VWA3B: variants seen among roughly 807,000 people sequenced by gnomAD.
VWA3B encodes the protein von Willebrand factor A domain-containing protein 3B.
In VWA3B, 138 loss-of-function variants were observed where a neutral mutation model predicts 158.3. The ratio of observed to expected loss-of-function variants is 0.87; its 90% CI spans 0.76 to 1.00. VWA3B has a LOEUF of 1.00. Ranked by LOEUF, VWA3B falls within the 50% of genes least tolerant of loss-of-function variation. The pLI, the probability that VWA3B is intolerant of heterozygous loss-of-function variation, is 0.00. For missense variants in VWA3B, 1,555 were observed against 1,565.1 expected (o/e 0.99, Z 0.11); for synonymous variants, 596 against 587.3 (o/e 1.01, Z -0.21).
intron 14 of VWA3B, among the ~76,000 whole-genome samples, chr2:98,227,175 C>G (rs1684979309): frequency 6.6e-6 from 1 of 152,202 alleles, no homozygotes; most frequent in African/African-American, 2.4e-5. Context: ...ACTCCTTCAG[C>G]TGATAAGCAA....
chr2:98,092,513 C>T (rs947029825), intron 1 of VWA3B, among the ~76,000 whole-genome samples: 3 of 152,032 alleles, frequency 2.0e-5, no homozygotes, highest in Non-Finnish European at 2.9e-5. Context: ...CATGGTGGCA[C>T]GCGCCTGTAA....
rs764717430 is a variant in VWA3B at position 98,236,634 on chromosome 2, C to T, written c.2577C>T (p.Leu859=). 5.6e-6 allele frequency: 9 copies of T among 1,614,116 alleles called. No homozygotes were observed. In the African/African-American group the frequency reaches 1.2e-4, roughly 22 times the overall value. The stretch of plus-strand genomic sequence containing the variant: ...CCTATGGCTTGGTCGCCAAGAAACT[C>T]ACCCTCATGGATGCCTTGTCAGTGG... The part of the protein sequence containing the change: ...LKTYGLVAKK[L]TLMDALSVAA... Residue 859 remains leucine (L), a synonymous_variant, in exon 19 of 28, where the codon CTC becomes CTT. Coordinates refer to ENST00000477737, the MANE Select transcript of VWA3B (RefSeq NM_144992.5).
At chr2:98,171,074 A>T (rs1018142692) in intron 8 of VWA3B, among the ~76,000 whole-genome samples, 1 of 152,222 alleles carries the variant, frequency 6.6e-6, no homozygotes, top group East Asian at 1.9e-4. Context: ...AACACCTAGA[A>T]ATGTGCTGTC....
At chr2:98,187,020 A>G (rs1034533597) in intron 9 of VWA3B, among the ~76,000 whole-genome samples, 3 of 151,986 alleles carry the variant, frequency 2.0e-5, no homozygotes, top group Non-Finnish European at 4.4e-5. Context: ...TTCGACAAGC[A>G]TGCCAGGTGG....
chr2:98,298,751 G>A (rs1219267201), intron 24 of VWA3B, among the ~76,000 whole-genome samples: 1 of 152,266 alleles, frequency 6.6e-6, no homozygotes, highest in Non-Finnish European at 1.5e-5. Context: ...ATTAAAGTGA[G>A]AAAGCACTCC....
the VWA3B span, among the ~76,000 whole-genome samples, chr2:98,322,061 C>T: frequency 6.6e-6 from 1 of 152,170 alleles, no homozygotes; most frequent in Non-Finnish European, 1.5e-5. Flanking sequence ...GTAAGTCATG[C>T]CTTTTTTCCT....
At position 98,199,518 on chromosome 2, in the gene VWA3B, G is replaced by A. The variant is rs370573124; in HGVS notation, c.1737+5026G>A. Reference sequence around the variant, plus strand: ...ACTAGCTCCCTGAGCCCCAATTTCCGCAGGGTGAAACAATGAGGACCAGGC... The same window carrying A: ...ACTAGCTCCCTGAGCCCCAATTTCCACAGGGTGAAACAATGAGGACCAGGC... On this transcript the variant is annotated intron_variant, in intron 12 of 27. Transcript: ENST00000477737. Among the ~76,000 whole-genome samples, 57 of 152,216 alleles carry A rather than the reference G, an allele frequency of 3.7e-4. No homozygotes were observed. In the East Asian group the frequency reaches 5.6e-3, roughly 15 times the overall value.
intron 7 of VWA3B, among the ~76,000 whole-genome samples, chr2:98,152,591 C>G (rs1180025271): frequency 1.3e-5 from 2 of 152,212 alleles, no homozygotes; most frequent in African/African-American, 4.8e-5. Flanking sequence ...TTTTGGTTCT[C>G]TTCCTGTATA....
chr2:98,128,385 T>A lies in VWA3B; in HGVS notation c.849T>A (p.Asp283Glu), dbSNP rs1675551638. Residue 283 changes from aspartate to glutamate, a missense_variant, in exon 6 of 28, where the codon GAT (aspartate) becomes GAA (glutamate). Coordinates refer to ENST00000477737, the MANE Select transcript of VWA3B (RefSeq NM_144992.5). Reference sequence around the variant, plus strand: ...AAGGCACTATAGCTTTTCTAAAGGATCTGAGTGCCAAGACCCACAGCAGGT... The same window carrying A: ...AAGGCACTATAGCTTTTCTAAAGGAACTGAGTGCCAAGACCCACAGCAGGT... ...RGEGTIAFLK[D>E]LSAKTHSRFH... 1 of 1,613,792 alleles carries A rather than the reference T, an allele frequency of 6.2e-7. No homozygotes were observed. Among genetic ancestry groups the A allele is most frequent in the Non-Finnish European group, 8.5e-7 (1 of 1,179,882 alleles).
At chr2:98,088,661 G>C (rs1244784248) in intron 1 of VWA3B, among the ~76,000 whole-genome samples, 1 of 152,000 alleles carries the variant, frequency 6.6e-6, no homozygotes, top group Non-Finnish European at 1.5e-5. Flanking sequence ...TGGGTTACTT[G>C]GTTCCCCAAT....
At chr2:98,254,089 T>A (rs565709971) in intron 20 of VWA3B, among the ~76,000 whole-genome samples, 4 of 152,186 alleles carry the variant, frequency 2.6e-5, no homozygotes, top group Non-Finnish European at 5.9e-5. Context: ...CATTTACCAA[T>A]GATTACTCAG....
At chr2:98,226,747 G>A (rs1684942892) in intron 14 of VWA3B, among the ~76,000 whole-genome samples, 1 of 150,902 alleles carries the variant, frequency 6.6e-6, no homozygotes, top group Admixed American at 6.6e-5. Flanking sequence ...CATCTAATCA[G>A]AAAATAGGCA....
chr2:98,298,471 CCCACCCCA>C (rs1574306112), intron 24 of VWA3B, among the ~76,000 whole-genome samples: 3 of 147,522 alleles, frequency 2.0e-5, no homozygotes, highest in South Asian at 2.2e-4. Context: ...GCCATGCCAT[CCCACCCCA>C]TCCCATCCCA....
chr2:98,169,857 A>G (rs1679431399), intron 8 of VWA3B, among the ~76,000 whole-genome samples: 2 of 151,922 alleles, frequency 1.3e-5, no homozygotes, highest in East Asian at 3.9e-4. Context: ...GGTGGCTCAC[A>G]CCTGTAATCC....
intron 14 of VWA3B, among the ~76,000 whole-genome samples, chr2:98,226,290 T>A (rs753392997): frequency 3.3e-5 from 5 of 152,206 alleles, no homozygotes; most frequent in Admixed American, 6.5e-5. Flanking sequence ...CTCGACTGAT[T>A]TTTGACAAAG....
intron 10 of VWA3B, among the ~76,000 whole-genome samples, chr2:98,190,456 T>G (rs1201797239): frequency 1.3e-5 from 2 of 152,224 alleles, no homozygotes; most frequent in African/African-American, 4.8e-5. Flanking sequence ...GATATCTCTG[T>G]TGCTTTTTAT....
intron 3 of VWA3B, 93 bp downstream of exon 3, chr2:98,115,839 C>G (rs1428585764): frequency 9.5e-7 from 1 of 1,056,250 alleles, no homozygotes; most frequent in African/African-American, 1.6e-5. Context: ...TGCTGCTTGG[C>G]AGGGATGCAG....
chr2:98,222,938 C>G (rs1684630061), intron 14 of VWA3B, among the ~76,000 whole-genome samples: 4 of 152,016 alleles, frequency 2.6e-5, no homozygotes, highest in Admixed American at 2.6e-4. Context: ...AAAAAAAGTG[C>G]CCATCACACA....
At chr2:98,141,345 C>T (rs901981767) in intron 7 of VWA3B, among the ~76,000 whole-genome samples, 2 of 152,202 alleles carry the variant, frequency 1.3e-5, no homozygotes, top group African/African-American at 4.8e-5. Context: ...AGGGCACCAG[C>T]ATCTGCTCAG....
Sources: allele counts gnomAD v4.1 joint callset (sites outside exome capture counted in the v4.1 genomes callset), GRCh38; gene constraint gnomAD v4.1.1; transcripts MANE v1.5; gene names NCBI Gene and HGNC (gene_info 2026-07-23, HGNC 2026-07-21).